The following MYPN variants were observed in gnomAD, a reference collection of about 807,000 sequenced individuals.
MYPN encodes the protein sarcomeric protein myopalladin, 145 kDa (MYOP).
Under a neutral mutation model 129.4 loss-of-function variants are expected in MYPN, and 63 were observed. The observed-to-expected ratio is 0.49, with a 90% CI of 0.40 to 0.60. The LOEUF (loss-of-function observed/expected upper bound fraction) is 0.60. MYPN is among the 20% of genes least tolerant of loss of function. The probability of loss-of-function intolerance (pLI) is 0.00; values close to 1 mark genes in which losing one functional copy is unlikely to be tolerated. For missense variants in MYPN, 1,596 were observed against 1,635.4 expected, an observed-to-expected ratio of 0.98 and a Z score of 0.42; for synonymous variants, 629 against 600.9, an observed-to-expected ratio of 1.05 and a Z score of -0.68.
At chr10:68,189,456 T>C (rs1377863156) in intron 13 of MYPN, among the ~76,000 whole-genome samples, 1 of 152,172 alleles carries the variant, frequency 6.6e-6, no homozygotes, top group African/African-American at 2.4e-5. Context: ...GTACTAGAAC[T>C]TATTTCTTCT....
At chr10:68,096,016 A>G (rs1456248817) in intron 1 of MYPN, among the ~76,000 whole-genome samples, 1 of 152,234 alleles carries the variant, frequency 6.6e-6, no homozygotes, top group Non-Finnish European at 1.5e-5. Context: ...TTTTCTCACA[A>G]AATTGAAATA....
intron 2 of MYPN, among the ~76,000 whole-genome samples, chr10:68,125,886 G>A (rs1247164488): frequency 1.3e-5 from 2 of 152,200 alleles, no homozygotes; most frequent in African/African-American, 4.8e-5. Context: ...AAACTCTTCT[G>A]AGAGGGTGGC....
At chr10:68,154,931 G>A (rs557052032) in intron 6 of MYPN, among the ~76,000 whole-genome samples, 1 of 152,222 alleles carries the variant, frequency 6.6e-6, no homozygotes, top group East Asian at 1.9e-4. Flanking sequence ...TGTAATTCCA[G>A]CACTTCGGGA....
Position 68,101,008 on chromosome 10 carries a change from T to G in MYPN, c.-2+13016T>G, listed in dbSNP as rs545335178. On this transcript the variant is annotated intron_variant, in intron 1 of 6. Coordinates refer to the MYPN transcript ENST00000685154. The stretch of plus-strand genomic sequence containing the variant: ...TGATAAGTTTTCAGTAAATACATGT[T>G]GATTGACTGAATAAGACAGTTTACA... Among the ~76,000 whole-genome samples, 13 of 152,352 alleles carry G rather than the reference T, an allele frequency of 8.5e-5. No individual in the cohort carries two copies. The South Asian group carries it at 2.7e-3, about 32-fold the overall frequency.
intron 1 of MYPN, among the ~76,000 whole-genome samples, chr10:68,113,571 C>T (rs2042110408): frequency 6.6e-6 from 1 of 152,002 alleles, no homozygotes; most frequent in Non-Finnish European, 1.5e-5. Flanking sequence ...GTAGAAAGCA[C>T]CTGTAGTCCT....
chr10:68,159,365 A>T (rs1411551356), intron 7 of MYPN, among the ~76,000 whole-genome samples: 1 of 152,242 alleles, frequency 6.6e-6, no homozygotes, highest in African/African-American at 2.4e-5. Flanking sequence ...ATGAGTGTTA[A>T]CCATTTTATT....
chr10:68,124,450 G>T (rs2042296188), intron 2 of MYPN, among the ~76,000 whole-genome samples: 1 of 152,082 alleles, frequency 6.6e-6, no homozygotes, highest in Admixed American at 6.6e-5. Flanking sequence ...TCAATTATAG[G>T]ACAATAGTAG....
In MYPN at chr10:68,197,449, GA is replaced by G. The variant is rs1203775783; in HGVS notation, c.3257del (p.Glu1086GlyfsTer11). On this transcript the variant is annotated frameshift_variant, in exon 16 of 20. Transcript: ENST00000358913. LOFTEE classifies it high-confidence loss of function. ...LQAPGDMVAHEGRLCRLDCKV... is the reference protein window; with the variant it reads ...LQAPGDMVAHXGRLCRLDCKV... ...GGCTCCTGGGGATATGGTAGCTCAT[GA>G]GGGGCGCCTCTGTCGGCTGGACTGT... 1 of 1,614,018 alleles carries G rather than the reference GA, an allele frequency of 6.2e-7. No individual in the cohort carries two copies.
chr10:68,146,081 A>G lies in MYPN; in HGVS notation c.1130+555A>G, dbSNP rs150492373. Among the ~76,000 whole-genome samples the G allele has an allele frequency of 6.1e-3, 927 of 152,288 alleles. 14 individuals are homozygous for G. The highest frequency in any genetic ancestry group is 0.021 in the African/African-American group (875 of 41,532). Reference sequence around the variant, plus strand: ...TTCCTGACTCAGAAAAAGATTATCTATGAGAAAACAAAAATCAAACACAAA... The same window carrying G: ...TTCCTGACTCAGAAAAAGATTATCTGTGAGAAAACAAAAATCAAACACAAA... On this transcript the variant is annotated intron_variant, in intron 4 of 19. Coordinates refer to ENST00000358913, the MANE Select transcript of MYPN (RefSeq NM_032578.4).
Position 68,172,956 on chromosome 10 carries a change from C to T in MYPN, c.1974-1110C>T, listed in dbSNP as rs566195069. On this transcript the variant is annotated intron_variant, in intron 10 of 19. Coordinates refer to ENST00000358913, the MANE Select transcript of MYPN (RefSeq NM_032578.4). ...GGCATGGTGGCAGACACCTGTGGTCCCAGCTACTTGGGAGGCTGAAGCACA... is the reference window on the plus strand; with the variant it reads ...GGCATGGTGGCAGACACCTGTGGTCTCAGCTACTTGGGAGGCTGAAGCACA... 2.6e-5 allele frequency among the ~76,000 whole-genome samples: 4 copies of T among 152,204 alleles called. No homozygotes were observed. In the South Asian group the frequency reaches 8.3e-4, roughly 32 times the overall value.
chr10:68,163,095 G>A (rs1040001490), intron 8 of MYPN, among the ~76,000 whole-genome samples: 7 of 152,146 alleles, frequency 4.6e-5, no homozygotes, highest in African/African-American at 1.7e-4. Context: ...ATGAGTTAAA[G>A]ACCAGCCTAG....
intron 7 of MYPN, among the ~76,000 whole-genome samples, chr10:68,159,476 A>T (rs1011208553): frequency 6.6e-6 from 1 of 152,200 alleles, no homozygotes; most frequent in African/African-American, 2.4e-5. Context: ...TTTCATATTT[A>T]CTTAAGTCTT....
chr10:68,122,748 A>C (rs2042265109), intron 2 of MYPN, among the ~76,000 whole-genome samples: 1 of 151,930 alleles, frequency 6.6e-6, no homozygotes, highest in Non-Finnish European at 1.5e-5. Flanking sequence ...CTAAAAACAC[A>C]AAAATTAGCC....
intron 2 of MYPN, among the ~76,000 whole-genome samples, chr10:68,138,424 CT>C (rs556531639): frequency 1.5e-3 from 225 of 150,510 alleles, no homozygotes; most frequent in African/African-American, 4.6e-3. Context: ...TTGTTTCTTT[CT>C]TTCTTTTTTT....
At chr10:68,116,631 G>A (rs549850482) in intron 1 of MYPN, among the ~76,000 whole-genome samples, 22 of 152,242 alleles carry the variant, frequency 1.4e-4, no homozygotes, top group African/African-American at 5.3e-4. Flanking sequence ...AGCCACTTGG[G>A]AGGCTGAGGC....
At position 68,193,517 on chromosome 10, in the gene MYPN, T is replaced by C. The variant is rs1397829077; in HGVS notation, c.2926-846T>C. Among the ~76,000 whole-genome samples the C allele has an allele frequency of 1.1e-4, 16 of 152,202 alleles. No individual in the cohort carries two copies. In the South Asian group the frequency reaches 3.3e-3, roughly 31 times the overall value. On this transcript the variant is annotated intron_variant, in intron 13 of 19. Transcript: ENST00000358913. ...TGAACTGTATTAGGTTGGTAAATGC[T>C]GAAAATGTCATATCGTTATCACTGG...
At chr10:68,158,114 C>A (rs1157938656) in intron 6 of MYPN, 1 of 206,746 alleles carries the variant, frequency 4.8e-6, no homozygotes, top group Non-Finnish European at 9.8e-6. Flanking sequence ...CATCTGTCAC[C>A]CCATTGATGG....
At chr10:68,182,488 A>T (rs1441271987) in intron 12 of MYPN, among the ~76,000 whole-genome samples, 1 of 144,852 alleles carries the variant, frequency 6.9e-6, no homozygotes, top group Admixed American at 7.1e-5. Context: ...ACACACACAC[A>T]CACACACACA....
Position 68,199,561 on chromosome 10 carries a change from A to G in MYPN, c.3479A>G (p.Glu1160Gly), listed in dbSNP as rs1199243918. Residue 1160 changes from glutamate (E) to glycine (G), a missense_variant, in exon 17 of 20, where the codon GAG (glutamate) becomes GGG (glycine). Physicochemically the swap from Glu to Gly is moderately conservative, Grantham distance 98 (BLOSUM62 -2). Transcript: ENST00000358913. ...NKTGQNSFSLELSVVAKEVKK... is the reference protein window; with the variant it reads ...NKTGQNSFSLGLSVVAKEVKK... ...ACCGGGCAGAATTCTTTTAGTCTGG[A>G]GCTCTCTGTAGTAGGTAAGGTTTGC... 1.2e-6 allele frequency: 2 copies of G among 1,608,158 alleles called. No homozygotes were observed. Among genetic ancestry groups the G allele is most frequent in the African/African-American group, 2.7e-5 (2 of 73,672 alleles).
Sources: gnomAD v4.1 joint callset for allele counts (sites outside exome capture counted in the v4.1 genomes callset) on GRCh38, gnomAD v4.1.1 for gene constraint, MANE v1.5 for transcripts, NCBI Gene and HGNC (gene_info 2026-07-23, HGNC 2026-07-21) for gene names.